Variants in SMAD2 observed in about 807,000 individuals in gnomAD.
The protein encoded by SMAD2 is MAD homolog 2.
Under a neutral mutation model 64.4 loss-of-function variants are expected in SMAD2, and 8 were observed. The ratio of observed to expected loss-of-function variants is 0.12; its 90% CI spans 0.07 to 0.22. The LOEUF (loss-of-function observed/expected upper bound fraction) is 0.22. Among genes scored for constraint, SMAD2 ranks in the 10% least tolerant of loss-of-function variants. The pLI is 1.00. For missense variants in SMAD2, 289 were observed against 561.2 expected, an observed-to-expected ratio of 0.51 and a Z score of 4.90; for synonymous variants, 203 against 195.8, an observed-to-expected ratio of 1.04 and a Z score of -0.31.
At position 47,831,820 on chromosome 18, in the gene SMAD2, C is replaced by A. The variant is rs1026096747; in HGVS notation, c.*10007G>T. The A allele has an allele frequency of 1.3e-5, 2 of 152,200 alleles. No individual in the cohort carries two copies. The highest frequency in any genetic ancestry group is 2.9e-5 in the Non-Finnish European group (2 of 68,042). The allele number at this position is 152,200 out of a possible 1,614,324, so 9.4% of individuals were successfully genotyped here. On this transcript the variant is annotated 3_prime_UTR_variant, in exon 11 of 11. Coordinates refer to ENST00000262160, the MANE Select transcript of SMAD2 (RefSeq NM_005901.6). Reference sequence around the variant, plus strand: ...AACCAATTCTACAAATATTTCCATACCTATTTATTGCAGCAAAAGATAATT... The same window carrying A: ...AACCAATTCTACAAATATTTCCATAACTATTTATTGCAGCAAAAGATAATT...
At position 47,814,217 on chromosome 18, in the gene SMAD2, A is replaced by G. The variant is rs1227370590; in HGVS notation, c.*27610T>C. The G allele has an allele frequency of 6.6e-6, 1 of 152,218 alleles. No individual in the cohort carries two copies. The highest frequency in any genetic ancestry group is 1.5e-5 in the Non-Finnish European group (1 of 68,054). 9.4% of individuals were successfully genotyped at this position (152,218 alleles called of 1,614,324 possible). A position where few individuals can be genotyped will look rare whatever the true frequency, so the allele number is the denominator to read the frequency against. ...GTCTTTCCAATAAAGGTAAGCCCTG[A>G]AGCCTGACAGTCACAGGAAAGGAGA... On this transcript the variant is annotated 3_prime_UTR_variant, in exon 11 of 11. Transcript: ENST00000262160.
chr18:47,887,596 A>T (rs1007678792), intron 2 of SMAD2, among the ~76,000 whole-genome samples: 1 of 152,094 alleles, frequency 6.6e-6, no homozygotes, highest in African/African-American at 2.4e-5. Flanking sequence ...AACTTCAACT[A>T]TTATGTCTTA....
At chr18:47,870,240 TA>T (rs2031852311) in intron 3 of SMAD2, among the ~76,000 whole-genome samples, 1 of 152,192 alleles carries the variant, frequency 6.6e-6, no homozygotes, top group Non-Finnish European at 1.5e-5. Flanking sequence ...TATTATTCTT[TA>T]GGGGATACAG....
chr18:47,841,567 T>G lies in SMAD2; in HGVS notation c.*260A>C, dbSNP rs575364955. The stretch of plus-strand genomic sequence containing the variant: ...TTAATAAACCTTTGGGACACTCAGT[T>G]TTATGCCCAATAAGACATCATTAAG... On this transcript the variant is annotated 3_prime_UTR_variant, in exon 11 of 11. Transcript: ENST00000262160. 4.1e-5 allele frequency: 21 copies of G among 514,150 alleles called. No individual in the cohort carries two copies. Among genetic ancestry groups the G allele is most frequent in the Admixed American group, 1.9e-4 (6 of 31,374 alleles). 31.8% of individuals were successfully genotyped at this position (514,150 alleles called of 1,614,324 possible).
intron 2 of SMAD2, among the ~76,000 whole-genome samples, chr18:47,877,091 T>C (rs1375534521): frequency 6.6e-6 from 1 of 151,950 alleles, no homozygotes; most frequent in African/African-American, 2.4e-5. Flanking sequence ...AGACAACCAA[T>C]AACAAAAGTA....
chr18:47,897,567 A>G (rs1381144745), intron 1 of SMAD2, among the ~76,000 whole-genome samples: 2 of 152,144 alleles, frequency 1.3e-5, no homozygotes, highest in East Asian at 3.8e-4. Flanking sequence ...ACAACTAACC[A>G]CATTCCCACC....
At chr18:47,918,631 AT>A (rs1476289592) in intron 1 of SMAD2, among the ~76,000 whole-genome samples, 2 of 152,230 alleles carry the variant, frequency 1.3e-5, no homozygotes. Context: ...GAAAGAAAAC[AT>A]TTTTAAAACA....
chr18:47,849,212 AAG>A (rs1396681126), intron 7 of SMAD2, among the ~76,000 whole-genome samples: 6 of 152,198 alleles, frequency 3.9e-5, no homozygotes, highest in Admixed American at 2.0e-4. Context: ...TAGCTACAAA[AAG>A]AGAAAACCCA....
rs1399268806 is a variant in SMAD2, at chr18:47,840,050, T to C, written c.*1777A>G. ...ACCTTTACCCAAAGACTAAGAAAAG[T>C]TCCTGGTACAAACAGGTGAACAATA... On this transcript the variant is annotated 3_prime_UTR_variant, in exon 11 of 11. Coordinates refer to ENST00000262160, the MANE Select transcript of SMAD2 (RefSeq NM_005901.6). 8.6e-6 allele frequency: 2 copies of C among 233,192 alleles called. No homozygotes were observed. The highest frequency in any genetic ancestry group is 8.5e-6 in the Non-Finnish European group (1 of 118,010). 14.4% of individuals were successfully genotyped at this position (233,192 alleles called of 1,614,324 possible). A position where few individuals can be genotyped will look rare whatever the true frequency, so the allele number is the denominator to read the frequency against.
chr18:47,812,434 T>C lies in SMAD2; in HGVS notation c.*29393A>G, dbSNP rs999361243. ...CCGCGTGAGATCAGACTAATACAGC[T>C]GGGGAGGCCTCAGGAAACTTACAAT... On this transcript the variant is annotated 3_prime_UTR_variant, in exon 11 of 11. Coordinates refer to ENST00000262160, the MANE Select transcript of SMAD2 (RefSeq NM_005901.6). The C allele has an allele frequency of 1.3e-5, 2 of 152,186 alleles. No homozygotes were observed. Among genetic ancestry groups the C allele is most frequent in the African/African-American group, 4.8e-5 (2 of 41,438 alleles). The allele number at this position is 152,186 out of a possible 1,614,324, so 9.4% of individuals were successfully genotyped here. A position where few individuals can be genotyped will look rare whatever the true frequency, so the allele number is the denominator to read the frequency against.
Position 47,818,302 on chromosome 18 carries a change from A to C in SMAD2, c.*23525T>G, listed in dbSNP as rs1158485160. On this transcript the variant is annotated 3_prime_UTR_variant, in exon 11 of 11. Transcript: ENST00000262160. The stretch of plus-strand genomic sequence containing the variant: ...AAATTATAATAGTTCCCTGGCAACC[A>C]ACACCTAGAATTAAGAAGTATCCCT... The C allele has an allele frequency of 6.6e-6, 1 of 152,252 alleles. No homozygotes were observed. The highest frequency in any genetic ancestry group is 2.4e-5 in the African/African-American group (1 of 41,466). 9.4% of individuals were successfully genotyped at this position (152,252 alleles called of 1,614,324 possible). A position where few individuals can be genotyped will look rare whatever the true frequency, so the allele number is the denominator to read the frequency against.
intron 2 of SMAD2, among the ~76,000 whole-genome samples, chr18:47,882,134 C>T (rs753401887): frequency 2.1e-5 from 3 of 140,818 alleles, no homozygotes; most frequent in Admixed American, 7.7e-5. Context: ...AATCCTACTG[C>T]GTTGGCCTCC....
intron 1 of SMAD2, chr18:47,920,208 T>C (rs941756701): frequency 6.6e-6 from 1 of 152,184 alleles, no homozygotes; most frequent in African/African-American, 2.4e-5. Flanking sequence ...CGGTCTCTTT[T>C]ATAAAGGCAC....
intron 1 of SMAD2, among the ~76,000 whole-genome samples, chr18:47,899,200 G>A (rs568604180): frequency 6.6e-6 from 1 of 152,144 alleles, no homozygotes; most frequent in Non-Finnish European, 1.5e-5. Context: ...AATACAATTC[G>A]CCAAAATACG....
chr18:47,853,725 C>T (rs541577763), intron 6 of SMAD2, among the ~76,000 whole-genome samples: 1 of 151,982 alleles, frequency 6.6e-6, no homozygotes, highest in South Asian at 2.1e-4. Context: ...AGTTATGTTC[C>T]TTTTTTCTCA....
At position 47,833,564 on chromosome 18, in the gene SMAD2, C is replaced by T. The variant is rs145296948; in HGVS notation, c.*8263G>A. The T allele has an allele frequency of 6.5e-5, 15 of 230,686 alleles. No homozygotes were observed. Among genetic ancestry groups the T allele is most frequent in the African/African-American group, 2.4e-4 (11 of 45,314 alleles). The allele number at this position is 230,686 out of a possible 1,614,324, so 14.3% of individuals were successfully genotyped here. ...GGTCTGCATCCATCATATTGCATTACAAAGTTAATGCCATCAGAGAAAAAA... is the reference window on the plus strand; with the variant it reads ...GGTCTGCATCCATCATATTGCATTATAAAGTTAATGCCATCAGAGAAAAAA... On this transcript the variant is annotated 3_prime_UTR_variant, in exon 11 of 11. Coordinates refer to ENST00000262160, the MANE Select transcript of SMAD2 (RefSeq NM_005901.6).
At chr18:47,845,864 C>T (rs1404775683) in intron 8 of SMAD2, 64 bp from the exon 9 acceptor site, 1 of 1,464,702 alleles carries the variant, frequency 6.8e-7, no homozygotes, top group Non-Finnish European at 9.6e-7. Context: ...ACTTTGGAAG[C>T]ATTTTCTTGG....
chr18:47,911,814 T>G (rs527932755), intron 1 of SMAD2, among the ~76,000 whole-genome samples: 4 of 152,302 alleles, frequency 2.6e-5, no homozygotes, highest in African/African-American at 4.8e-5. Flanking sequence ...AGTATGTAAC[T>G]TGATAAAATA....
At chr18:47,842,279 C>A (rs1189957906) in intron 10 of SMAD2, among the ~76,000 whole-genome samples, 1 of 152,154 alleles carries the variant, frequency 6.6e-6, no homozygotes, top group Non-Finnish European at 1.5e-5. Context: ...TGGTGGCTCA[C>A]ACCTGTAAGC....
Sources: gnomAD v4.1 joint callset for allele counts (sites outside exome capture counted in the v4.1 genomes callset) on GRCh38, gnomAD v4.1.1 for gene constraint, MANE v1.5 for transcripts, NCBI Gene and HGNC (gene_info 2026-07-23, HGNC 2026-07-21) for gene names.